The following FAAH2 variants were observed in gnomAD, a reference collection of about 807,000 sequenced individuals.
FAAH2 encodes the protein fatty-acid amide hydrolase 2.
A neutral mutation model predicts 36.9 loss-of-function variants in FAAH2; 60 were observed. The observed-to-expected ratio is 1.63, with a 90% CI of 1.32 to 2.02. The LOEUF (loss-of-function observed/expected upper bound fraction) is 2.02, where lower values mean the gene tolerates loss of function less well. FAAH2 is among the 30% of genes most tolerant of loss of function. The pLI, the probability that FAAH2 is intolerant of heterozygous loss-of-function variation, is 0.00. For synonymous variants in FAAH2, 214 were observed against 143.8 expected (o/e 1.49, Z -3.49); for missense variants, 689 against 397.5 (o/e 1.73, Z -6.23).
chrX:57,462,556 AAC>A (rs1306593936), intron 10 of FAAH2, among the ~76,000 whole-genome samples: 4 of 112,545 alleles, frequency 3.6e-5, no homozygotes, highest in East Asian at 2.8e-4. Flanking sequence ...AGTGATAAAA[AAC>A]ACATGATTAT....
At chrX:57,369,014 AAG>A (rs1187205324) in intron 5 of FAAH2, among the ~76,000 whole-genome samples, 1 of 109,160 alleles carries the variant, frequency 9.2e-6, no homozygotes, top group African/African-American at 3.3e-5. Flanking sequence ...AAATTGATCA[AAG>A]AGATACATAT....
chrX:57,405,962 G>A (rs745503436), intron 7 of FAAH2, among the ~76,000 whole-genome samples: 1 of 107,884 alleles, frequency 9.3e-6, no homozygotes, highest in African/African-American at 3.4e-5. Context: ...GTTCATTTTG[G>A]TTAGGATCCA....
chrX:57,386,853 C>T (rs1025906339), intron 7 of FAAH2, among the ~76,000 whole-genome samples: 2 of 112,175 alleles, frequency 1.8e-5, no homozygotes, highest in African/African-American at 6.5e-5. Context: ...CACCTGTTGG[C>T]ATCAGGTAGC....
At chrX:57,137,436 T>C in the FAAH2 span, 1 of 667,547 alleles carries the variant, frequency 1.5e-6, no homozygotes, top group Non-Finnish European at 1.8e-6. Flanking sequence ...TCGCTGGCCG[T>C]CTACCTCCCT....
the FAAH2 span, among the ~76,000 whole-genome samples, chrX:57,123,814 T>C: frequency 8.9e-6 from 1 of 112,404 alleles, no homozygotes; most frequent in Non-Finnish European, 1.9e-5. Flanking sequence ...TTGAGAAGTG[T>C]CTGTTCATAT....
intron 7 of FAAH2, chrX:57,393,572 T>A (rs780353641): frequency 8.8e-6 from 8 of 912,756 alleles, no homozygotes; most frequent in Non-Finnish European, 1.3e-5. Context: ...CTCCAATCTC[T>A]GCATGAGATT....
chrX:57,385,404 A>T (rs190799917), intron 7 of FAAH2, among the ~76,000 whole-genome samples: 13 of 111,374 alleles, frequency 1.2e-4, no homozygotes, highest in South Asian at 3.8e-4. Flanking sequence ...ACTTATAAAG[A>T]ATAAAAATTT....
the FAAH2 span, among the ~76,000 whole-genome samples, chrX:57,179,209 T>C: frequency 9.0e-6 from 1 of 111,504 alleles, no homozygotes; most frequent in South Asian, 3.8e-4. Context: ...AAAGCAACTA[T>C]ACAAAAATGT....
chrX:57,167,102 G>A, the FAAH2 span, among the ~76,000 whole-genome samples: 1 of 111,793 alleles, frequency 8.9e-6, no homozygotes, highest in Non-Finnish European at 1.9e-5. Context: ...CCTAATGTCT[G>A]GAAGTCACAG....
At chrX:57,343,516 T>A (rs2053743301) in intron 5 of FAAH2, among the ~76,000 whole-genome samples, 1 of 111,748 alleles carries the variant, frequency 8.9e-6, no homozygotes, top group Non-Finnish European at 1.9e-5. Flanking sequence ...ATTCTGGATA[T>A]TAGACTTATG....
chrX:57,233,759 C>A, the FAAH2 span, among the ~76,000 whole-genome samples: 2 of 112,962 alleles, frequency 1.8e-5, no homozygotes, highest in Non-Finnish European at 3.7e-5. Context: ...CATGCCCCAA[C>A]CTCCCAAGTA....
intron 10 of FAAH2, among the ~76,000 whole-genome samples, chrX:57,462,467 A>G (rs546450725): frequency 2.7e-5 from 3 of 112,020 alleles, no homozygotes; most frequent in Middle Eastern, 4.6e-3. Context: ...ATCACGATGA[A>G]GTCGGTTTCA....
intron 7 of FAAH2, chrX:57,395,413 C>T: frequency 1.4e-6 from 1 of 698,029 alleles, no homozygotes; most frequent in Non-Finnish European, 2.2e-6. Flanking sequence ...GTGCCATGGC[C>T]TTTATTAGTC....
intron 3 of FAAH2, among the ~76,000 whole-genome samples, chrX:57,323,392 C>T (rs1008768471): frequency 1.8e-5 from 2 of 111,536 alleles, no homozygotes; most frequent in Non-Finnish European, 3.8e-5. Context: ...AGTTCTAGAT[C>T]CCTGAGGAAT....
At chrX:57,278,825 AT>A in the FAAH2 span, among the ~76,000 whole-genome samples, 19 of 112,392 alleles carry the variant, frequency 1.7e-4, no homozygotes, top group African/African-American at 5.2e-4. Flanking sequence ...AAAAGTAGAC[AT>A]TTATGCAGCT....
intron 7 of FAAH2, among the ~76,000 whole-genome samples, chrX:57,386,153 A>G (rs1391247806): frequency 9.0e-5 from 10 of 111,549 alleles, no homozygotes; most frequent in Admixed American, 8.6e-4. Flanking sequence ...AGATAGCTTC[A>G]CATATCTGAA....
chrX:57,295,350 C>T (rs2052105206), intron 2 of FAAH2, among the ~76,000 whole-genome samples: 1 of 112,142 alleles, frequency 8.9e-6, no homozygotes, highest in Non-Finnish European at 1.9e-5. Flanking sequence ...AAACAAACCC[C>T]TTCACCTCTT....
intron 8 of FAAH2, among the ~76,000 whole-genome samples, chrX:57,443,314 C>A (rs757384548): frequency 2.6e-3 from 287 of 111,049 alleles, no homozygotes; most frequent in Non-Finnish European, 4.4e-3. Context: ...TCATTTTTTA[C>A]TCGTTTTTCT....
the FAAH2 span, among the ~76,000 whole-genome samples, chrX:57,212,514 T>C: frequency 5.4e-5 from 6 of 112,091 alleles, no homozygotes; most frequent in African/African-American, 1.6e-4. Context: ...CAAAGAGAGA[T>C]ACATTTAAAA....
Sources: allele counts gnomAD v4.1 joint callset (sites outside exome capture counted in the v4.1 genomes callset), GRCh38; gene constraint gnomAD v4.1.1; transcripts MANE v1.5; gene names NCBI Gene and HGNC (gene_info 2026-07-23, HGNC 2026-07-21).